IL1RAPL1: variants seen among roughly 807,000 people sequenced by gnomAD.
IL1RAPL1 encodes the protein interleukin 1 receptor accessory protein like 1.
Under a neutral mutation model 48.4 loss-of-function variants are expected in IL1RAPL1, and 3 were observed. The ratio of observed to expected loss-of-function variants is 0.06; its 90% CI spans 0.03 to 0.16. The LOEUF is 0.16. Among genes scored for constraint, IL1RAPL1 ranks in the 10% least tolerant of loss-of-function variants. The pLI is 1.00. For synonymous variants in IL1RAPL1, 185 were observed against 187.7 expected, an observed-to-expected ratio of 0.99 and a Z score of 0.12; for missense variants, 349 against 530.6, an observed-to-expected ratio of 0.66 and a Z score of 3.36.
chrX:29,564,120 C>T (rs941248706), intron 5 of IL1RAPL1, among the ~76,000 whole-genome samples: 7 of 111,637 alleles, frequency 6.3e-5, no homozygotes, highest in African/African-American at 2.3e-4. Flanking sequence ...AGAGACATTA[C>T]ATAATTTGGG....
rs1569173467 is a variant in IL1RAPL1 at position 29,803,034 on chromosome X, CATATATACATATATGT to C, written c.779-114429_779-114414del. On this transcript the variant is annotated intron_variant, in intron 6 of 10. Transcript: ENST00000378993. The stretch of plus-strand genomic sequence containing the variant: ...ACATATGTGTACATATACATGTATG[CATATATACATATATGT>C]GTACATATATATGTATGCATGTATA... 6.9e-4 allele frequency among the ~76,000 whole-genome samples: 52 copies of C among 75,348 alleles called. 4 individuals carry two copies. The highest frequency in any genetic ancestry group is 2.8e-3 in the African/African-American group (48 of 17,234). The allele number at this position is 75,348 out of a possible 115,157, so 65.4% of individuals were successfully genotyped here.
intron 1 of IL1RAPL1, among the ~76,000 whole-genome samples, chrX:28,634,489 G>GTA (rs1001345079): frequency 1.8e-5 from 2 of 108,775 alleles, no homozygotes; most frequent in African/African-American, 3.3e-5. Flanking sequence ...GTGTATATAT[G>GTA]TATATATATG....
intron 6 of IL1RAPL1, among the ~76,000 whole-genome samples, chrX:29,701,324 T>G (rs1927041268): frequency 8.9e-6 from 1 of 111,818 alleles, no homozygotes; most frequent in African/African-American, 3.3e-5. Context: ...ACTTATGGGA[T>G]TGTTGAGAAG....
chrX:29,084,913 G>A (rs1197699432), intron 2 of IL1RAPL1, among the ~76,000 whole-genome samples: 4 of 111,769 alleles, frequency 3.6e-5, no homozygotes, highest in Non-Finnish European at 7.5e-5. Flanking sequence ...GGCTGGTCCC[G>A]AACTCCTGAC....
intron 5 of IL1RAPL1, among the ~76,000 whole-genome samples, chrX:29,542,241 A>G (rs892281063): frequency 9.0e-6 from 1 of 111,426 alleles, no homozygotes; most frequent in Non-Finnish European, 1.9e-5. Flanking sequence ...AATTAGTCCA[A>G]ATAGTGTGAG....
At chrX:28,663,793 T>G (rs1412220704) in intron 1 of IL1RAPL1, among the ~76,000 whole-genome samples, 1 of 111,973 alleles carries the variant, frequency 8.9e-6, no homozygotes, top group Admixed American at 9.5e-5. Flanking sequence ...ATGAACCTGG[T>G]TTTTGTAATT....
At chrX:29,628,313 A>G (rs976921756) in intron 5 of IL1RAPL1, among the ~76,000 whole-genome samples, 1 of 112,209 alleles carries the variant, frequency 8.9e-6, no homozygotes, top group Middle Eastern at 4.7e-3. Context: ...TAGGATGGCC[A>G]TCAGAGAAAT....
At chrX:29,377,172 A>G (rs1199233002) in intron 3 of IL1RAPL1, among the ~76,000 whole-genome samples, 2 of 112,287 alleles carry the variant, frequency 1.8e-5, no homozygotes, top group Admixed American at 9.4e-5. Flanking sequence ...TACAAGAATG[A>G]TGACTCCCAC....
At chrX:29,208,732 T>TAATA (rs765774653) in intron 2 of IL1RAPL1, among the ~76,000 whole-genome samples, 46 of 81,776 alleles carry the variant, frequency 5.6e-4, no homozygotes, top group African/African-American at 1.2e-3. Flanking sequence ...ATAATAATAA[T>TAATA]AATAAATAAA....
intron 5 of IL1RAPL1, among the ~76,000 whole-genome samples, chrX:29,659,410 A>T (rs6526914): frequency 0.25 from 28,175 of 111,163 alleles, 4,707 homozygotes; most frequent in African/African-American, 0.61. Context: ...TAGTATTCCA[A>T]TGTGTACATA....
At chrX:29,475,294 T>C (rs1934961171) in intron 5 of IL1RAPL1, among the ~76,000 whole-genome samples, 1 of 112,181 alleles carries the variant, frequency 8.9e-6, no homozygotes, top group Admixed American at 9.4e-5. Context: ...GAGACAAGTA[T>C]GTAGGATGTT....
At chrX:29,394,429 A>G in intron 3 of IL1RAPL1, among the ~76,000 whole-genome samples, 1 of 112,145 alleles carries the variant, frequency 8.9e-6, no homozygotes, top group Middle Eastern at 4.6e-3. Flanking sequence ...TTTATACTCC[A>G]GTCACTCCAC....
chrX:29,750,369 T>C (rs1037040108), intron 6 of IL1RAPL1, among the ~76,000 whole-genome samples: 1 of 111,935 alleles, frequency 8.9e-6, no homozygotes, highest in African/African-American at 3.2e-5. Context: ...GGGAAACAAA[T>C]AATTGTGAGT....
intron 1 of IL1RAPL1, among the ~76,000 whole-genome samples, chrX:28,614,530 T>C (rs1020641311): frequency 1.8e-5 from 2 of 111,705 alleles, no homozygotes; most frequent in African/African-American, 6.5e-5. Context: ...TTTTTGTTAA[T>C]GTGGTGATTT....
chrX:29,779,528 G>C (rs1456020239), intron 6 of IL1RAPL1, among the ~76,000 whole-genome samples: 1 of 111,005 alleles, frequency 9.0e-6, no homozygotes, highest in South Asian at 3.8e-4. Context: ...GAAATAACCT[G>C]TACACCCAAC....
intron 2 of IL1RAPL1, among the ~76,000 whole-genome samples, chrX:29,120,728 T>A (rs1199733017): frequency 9.0e-6 from 1 of 111,619 alleles, no homozygotes; most frequent in South Asian, 3.8e-4. Context: ...AACTAGTTCT[T>A]AACTCATTCT....
At chrX:28,770,459 C>T (rs942231590) in intron 1 of IL1RAPL1, among the ~76,000 whole-genome samples, 1 of 112,162 alleles carries the variant, frequency 8.9e-6, no homozygotes, top group African/African-American at 3.2e-5. Context: ...TTCTTCAAAT[C>T]GTTGTCGCCT....
At chrX:29,049,223 A>T (rs988823393) in intron 2 of IL1RAPL1, among the ~76,000 whole-genome samples, 5 of 112,368 alleles carry the variant, frequency 4.4e-5, no homozygotes, top group Non-Finnish European at 9.4e-5. Flanking sequence ...TGGCAAGCTA[A>T]CTCAAAGCAG....
intron 5 of IL1RAPL1, among the ~76,000 whole-genome samples, chrX:29,509,176 T>G (rs1935367511): frequency 8.9e-6 from 1 of 111,911 alleles, no homozygotes; most frequent in Non-Finnish European, 1.9e-5. Context: ...TACGGCAGGC[T>G]GTCAGAAAAT....
Sources: gnomAD v4.1 joint callset for allele counts (sites outside exome capture counted in the v4.1 genomes callset) on GRCh38, gnomAD v4.1.1 for gene constraint, MANE v1.5 for transcripts, NCBI Gene and HGNC (gene_info 2026-07-23, HGNC 2026-07-21) for gene names.